DPP6: variants seen among roughly 807,000 people sequenced by gnomAD.
DPP6 encodes the protein dipeptidyl peptidase like 6, also known as A-type potassium channel modulatory protein DPP6.
A neutral mutation model predicts 122.6 loss-of-function variants in DPP6; 69 were observed. The ratio of observed to expected loss-of-function variants is 0.56; its 90% CI spans 0.46 to 0.69. The LOEUF is 0.69. DPP6 is among the 30% of genes least tolerant of loss of function. DPP6 has a pLI of 0.00. For synonymous variants in DPP6, 418 were observed against 433.1 expected, an observed-to-expected ratio of 0.97 and a Z score of 0.43; for missense variants, 928 against 1,116.9, an observed-to-expected ratio of 0.83 and a Z score of 2.41.
At chr7:154,553,369 G>T (rs758210911) in intron 4 of DPP6, among the ~76,000 whole-genome samples, 30 of 152,178 alleles carry the variant, frequency 2.0e-4, no homozygotes, top group Non-Finnish European at 4.0e-4. Context: ...ACTGAAATGG[G>T]GAGAGAAACA....
In DPP6 at chr7:154,892,576, G is replaced by A. The variant is rs1806711944; in HGVS notation, c.*96G>A. 1.0e-5 allele frequency: 16 copies of A among 1,563,108 alleles called. No homozygotes were observed. The highest frequency in any genetic ancestry group is 1.3e-5 in the Non-Finnish European group (15 of 1,153,578). On this transcript the variant is annotated 3_prime_UTR_variant, in exon 26 of 26. Coordinates refer to ENST00000377770, the MANE Select transcript of DPP6 (RefSeq NM_130797.4). ...CCCTCTTCCCTCGGAGGGGCGGGGCGGGGCGGGGCCGGGTGTTCCATAGCA... is the reference window on the plus strand; with the variant it reads ...CCCTCTTCCCTCGGAGGGGCGGGGCAGGGCGGGGCCGGGTGTTCCATAGCA...
At chr7:154,563,094 T>C (rs1830530043) in intron 4 of DPP6, among the ~76,000 whole-genome samples, 1 of 152,202 alleles carries the variant, frequency 6.6e-6, no homozygotes, top group African/African-American at 2.4e-5. Context: ...GGCAAGGCAG[T>C]TAATATCTAG....
chr7:154,244,873 G>A (rs1367194156), intron 1 of DPP6, among the ~76,000 whole-genome samples: 2 of 151,060 alleles, frequency 1.3e-5, no homozygotes, highest in Non-Finnish European at 2.9e-5. Context: ...TTCACTAGAT[G>A]CAAATTAATT....
In DPP6 at chr7:154,106,574, T is replaced by C. The variant is rs1282555480; in HGVS notation, c.243+53511T>C. ...GTGGGTAGAGGAGCAACAGGTGATA[T>C]GTGAATGCTCCTGACTTTGTAGGAA... On this transcript the variant is annotated intron_variant, in intron 1 of 25. Coordinates refer to ENST00000377770, the MANE Select transcript of DPP6 (RefSeq NM_130797.4). Among the ~76,000 whole-genome samples, 479 of 144,738 alleles carry C rather than the reference T, an allele frequency of 3.3e-3. 4 individuals are homozygous for C. The highest frequency in any genetic ancestry group is 0.012 in the African/African-American group (464 of 38,218). 95.0% of individuals were successfully genotyped at this position (144,738 alleles called of 152,430 possible).
At chr7:154,625,524 T>C (rs893256580) in intron 5 of DPP6, among the ~76,000 whole-genome samples, 37 of 152,232 alleles carry the variant, frequency 2.4e-4, no homozygotes, top group African/African-American at 8.4e-4. Context: ...ATGGTTGTAA[T>C]TAAGCGCCAA....
chr7:154,298,714 G>A lies in DPP6; in HGVS notation c.244-147500G>A, dbSNP rs142024559. Among the ~76,000 whole-genome samples, 20 of 152,244 alleles carry A rather than the reference G, an allele frequency of 1.3e-4. No individual in the cohort carries two copies. The East Asian group carries it at 1.5e-3, about 12-fold the overall frequency. The stretch of plus-strand genomic sequence containing the variant: ...AACTCTGTCCCAGCCAACCCTCACC[G>A]TCCATACCCTGCTGGGAGGGAAAGC... On this transcript the variant is annotated intron_variant, in intron 1 of 25. Coordinates refer to ENST00000377770, the MANE Select transcript of DPP6 (RefSeq NM_130797.4).
chr7:153,869,170 G>A, the DPP6 span, among the ~76,000 whole-genome samples: 193 of 152,256 alleles, frequency 1.3e-3, 1 homozygote, highest in African/African-American at 4.0e-3. Context: ...TATTAGGTCC[G>A]CTTGGTGCAG....
At chr7:153,819,357 T>C in the DPP6 span, among the ~76,000 whole-genome samples, 1 of 147,306 alleles carries the variant, frequency 6.8e-6, no homozygotes, top group South Asian at 2.2e-4. Flanking sequence ...AATGTTACAC[T>C]ACTGTTGGGA....
At chr7:154,438,413 T>C (rs1179524086) in intron 1 of DPP6, among the ~76,000 whole-genome samples, 4 of 125,146 alleles carry the variant, frequency 3.2e-5, no homozygotes, top group African/African-American at 1.3e-4. Context: ...GAGCTTGCAG[T>C]GAGTCGAGAT....
chr7:153,805,550 C>A, the DPP6 span, among the ~76,000 whole-genome samples: 2 of 152,126 alleles, frequency 1.3e-5, no homozygotes, highest in African/African-American at 4.8e-5. Flanking sequence ...ATTTATATTC[C>A]TTTGGGTATA....
At position 153,997,167 on chromosome 7, in the gene DPP6, C is replaced by T. The variant is rs944075997; in HGVS notation, c.51+109433C>T. On this transcript the variant is annotated intron_variant, in intron 1 of 25. Coordinates refer to the DPP6 transcript ENST00000404039. ...ACAGGTCCTATAGTGGAAATCATGG[C>T]GTGGTCCTCCAAGGTTAAATTGGAG... Among the ~76,000 whole-genome samples the T allele has an allele frequency of 5.4e-4, 82 of 152,114 alleles. 1 individual carries two copies. The highest frequency in any genetic ancestry group is 1.9e-3 in the African/African-American group (77 of 41,528).
Position 154,666,200 on chromosome 7 carries a change from T to TATACAC in DPP6, c.681-3159_681-3158insTACACA, listed in dbSNP as rs1302353081. Among the ~76,000 whole-genome samples, 394 of 102,546 alleles carry TATACAC rather than the reference T, an allele frequency of 3.8e-3. 4 individuals are homozygous for TATACAC. The highest frequency in any genetic ancestry group is 8.5e-3 in the African/African-American group (286 of 33,516). The allele number at this position is 102,546 out of a possible 152,430, so 67.3% of individuals were successfully genotyped here. A position where few individuals can be genotyped will look rare whatever the true frequency, so the allele number is the denominator to read the frequency against. ...ATATGTGTGTATATATATATATATA[T>TATACAC]ACACATATACATACATACATACATA... On this transcript the variant is annotated intron_variant, in intron 6 of 25. Coordinates refer to ENST00000377770, the MANE Select transcript of DPP6 (RefSeq NM_130797.4).
At chr7:154,312,658 T>C (rs1341423683) in intron 1 of DPP6, among the ~76,000 whole-genome samples, 1 of 152,204 alleles carries the variant, frequency 6.6e-6, no homozygotes, top group African/African-American at 2.4e-5. Flanking sequence ...CCAAATCTGC[T>C]GATTAAAATG....
At chr7:154,782,519 A>G (rs1797090663) in intron 10 of DPP6, among the ~76,000 whole-genome samples, 1 of 152,234 alleles carries the variant, frequency 6.6e-6, no homozygotes, top group South Asian at 2.1e-4. Flanking sequence ...CCTGCCTACC[A>G]ATACATTTAC....
intron 1 of DPP6, among the ~76,000 whole-genome samples, chr7:154,013,717 C>T (rs931097713): frequency 2.6e-5 from 4 of 152,058 alleles, no homozygotes; most frequent in Non-Finnish European, 4.4e-5. Context: ...CTTCTATGTT[C>T]TCTTCTCAGC....
chr7:154,493,477 G>A (rs968561033), intron 3 of DPP6, among the ~76,000 whole-genome samples: 37 of 152,084 alleles, frequency 2.4e-4, no homozygotes, highest in African/African-American at 8.0e-4. Flanking sequence ...GTGGCCCATC[G>A]TTTTATTTGA....
At chr7:154,701,364 CT>C (rs1341483857) in intron 7 of DPP6, among the ~76,000 whole-genome samples, 1 of 152,160 alleles carries the variant, frequency 6.6e-6, no homozygotes, top group Non-Finnish European at 1.5e-5. Flanking sequence ...AAGCCTATAC[CT>C]TTTTTAAAGT....
chr7:154,670,985 G>A (rs1312499191), intron 7 of DPP6, among the ~76,000 whole-genome samples: 4 of 152,188 alleles, frequency 2.6e-5, no homozygotes, highest in East Asian at 1.9e-4. Flanking sequence ...GGTGACAGGA[G>A]GAAGTGAGGC....
intron 1 of DPP6, among the ~76,000 whole-genome samples, chr7:154,292,769 TC>T (rs1805291010): frequency 6.6e-6 from 1 of 152,154 alleles, no homozygotes. Flanking sequence ...ACAGTGGAGT[TC>T]CAATAGCTCA....
Sources: allele counts gnomAD v4.1 joint callset (sites outside exome capture counted in the v4.1 genomes callset), GRCh38; gene constraint gnomAD v4.1.1; transcripts MANE v1.5; gene names NCBI Gene and HGNC (gene_info 2026-07-23, HGNC 2026-07-21).